Variants in CENPK observed in about 807,000 individuals in gnomAD.
CENPK encodes centromere protein K.
In CENPK, 46 loss-of-function variants were observed where a neutral mutation model predicts 40.9. That is an observed-to-expected ratio of 1.13 (90% CI 0.89 to 1.44). The LOEUF (loss-of-function observed/expected upper bound fraction) is 1.44. Among genes scored for constraint, CENPK ranks in the 40% most tolerant of loss-of-function variants. CENPK has a pLI of 0.00. For missense variants in CENPK, 288 were observed against 303.5 expected, an observed-to-expected ratio of 0.95 and a Z score of 0.38; for synonymous variants, 107 against 104.4, an observed-to-expected ratio of 1.02 and a Z score of -0.15.
At chr5:65,550,003 T>TA (rs1442910722) in intron 5 of CENPK, among the ~76,000 whole-genome samples, 2 of 151,530 alleles carry the variant, frequency 1.3e-5, no homozygotes, top group East Asian at 1.9e-4. Flanking sequence ...CTGTCTCTAA[T>TA]AAAAAAATAC....
At chr5:65,516,349 C>T (rs182011671), downstream of CENPK, among the ~76,000 whole-genome samples, 132 of 152,234 alleles carry the variant, frequency 8.7e-4, no homozygotes, top group Non-Finnish European at 1.0e-3. Flanking sequence ...TTGTTCTTGT[C>T]TTCCACTTTT....
intron 10 of CENPK, among the ~76,000 whole-genome samples, chr5:65,520,605 C>T (rs778481231): frequency 5.3e-5 from 8 of 151,980 alleles, no homozygotes; most frequent in African/African-American, 7.3e-5. Context: ...ATTCTAATTA[C>T]GAATCTAATA....
chr5:65,509,760 G>T, the CENPK span, among the ~76,000 whole-genome samples: 1 of 152,178 alleles, frequency 6.6e-6, no homozygotes, highest in Admixed American at 6.5e-5. Context: ...GTAACCCTGT[G>T]TTGAGCAAGT....
the CENPK span, among the ~76,000 whole-genome samples, chr5:65,509,229 T>C: frequency 6.6e-6 from 1 of 152,200 alleles, no homozygotes; most frequent in Non-Finnish European, 1.5e-5. Context: ...AACAATACGC[T>C]TGGTCTCACC....
At chr5:65,522,120 T>C (rs1015649688) in intron 9 of CENPK, among the ~76,000 whole-genome samples, 2 of 152,156 alleles carry the variant, frequency 1.3e-5, no homozygotes, top group South Asian at 2.1e-4. Context: ...ATACACATTA[T>C]ATATAATCAC....
chr5:65,510,808 T>C, the CENPK span, among the ~76,000 whole-genome samples: 4 of 151,434 alleles, frequency 2.6e-5, no homozygotes, highest in Non-Finnish European at 2.9e-5. Context: ...GAAAAATGGT[T>C]TACGCAATTC....
the CENPK span, among the ~76,000 whole-genome samples, chr5:65,509,606 T>C: frequency 2.0e-5 from 3 of 152,250 alleles, no homozygotes; most frequent in African/African-American, 7.2e-5. Flanking sequence ...AAAATTCATA[T>C]GCAGGATTTT....
At chr5:65,532,893 G>A (rs1487859168) in intron 6 of CENPK, among the ~76,000 whole-genome samples, 1 of 63,610 alleles carries the variant, frequency 1.6e-5, no homozygotes, top group East Asian at 5.4e-4. Flanking sequence ...TGGACAACAA[G>A]AGCGAAACTC....
the CENPK span, among the ~76,000 whole-genome samples, chr5:65,506,655 A>G: frequency 6.6e-6 from 1 of 152,010 alleles, no homozygotes; most frequent in East Asian, 1.9e-4. Flanking sequence ...CATGTTGATG[A>G]GTGTCTGTAA....
At chr5:65,514,228 A>ATATTTTTT (rs199873665), downstream of CENPK, among the ~76,000 whole-genome samples, 2 of 61,690 alleles carry the variant, frequency 3.2e-5, no homozygotes, top group Admixed American at 2.1e-4. Flanking sequence ...GCCTCACATA[A>ATATTTTTT]TCTTTTTTTT....
At chr5:65,515,077 T>C (rs1040678286), downstream of CENPK, among the ~76,000 whole-genome samples, 1 of 99,288 alleles carries the variant, frequency 1.0e-5, no homozygotes, top group Admixed American at 1.1e-4. Flanking sequence ...TTACTTTGGA[T>C]TTAATTTGCT....
chr5:65,516,921 T>A (rs566385246), downstream of CENPK, among the ~76,000 whole-genome samples: 1 of 152,180 alleles, frequency 6.6e-6, no homozygotes, highest in East Asian at 1.9e-4. Flanking sequence ...AGTCTATTGG[T>A]AGGCATTGCA....
intron 5 of CENPK, among the ~76,000 whole-genome samples, chr5:65,543,259 ATTTATT>A (rs1748300042): frequency 6.6e-6 from 1 of 152,148 alleles, no homozygotes; most frequent in Non-Finnish European, 1.5e-5. Context: ...TTTTCATTTT[ATTTATT>A]TTTAACATCT....
intron 9 of CENPK, among the ~76,000 whole-genome samples, chr5:65,526,552 G>C (rs1744743159): frequency 6.6e-6 from 1 of 152,132 alleles, no homozygotes; most frequent in South Asian, 2.1e-4. Flanking sequence ...AGATATGCAA[G>C]ATAGAAGAGA....
chr5:65,541,518 A>G (rs1452800133), intron 6 of CENPK: 1 of 447,520 alleles, frequency 2.2e-6, no homozygotes, highest in African/African-American at 2.0e-5. Flanking sequence ...GTGGTGACGG[A>G]GACTAGGAAA....
rs537872425 is a variant in CENPK, at chr5:65,540,828, G to A, written c.288+1974C>T. Among the ~76,000 whole-genome samples the A allele has an allele frequency of 1.7e-4, 23 of 134,276 alleles. No individual in the cohort carries two copies. In the South Asian group the frequency reaches 5.2e-3, roughly 30 times the overall value. 88.1% of individuals were successfully genotyped at this position (134,276 alleles called of 152,430 possible). A position where few individuals can be genotyped will look rare whatever the true frequency, so the allele number is the denominator to read the frequency against. ...GTATCCTTTTTTTTTTTTTTTTTGAGACAGGGTTTCACTCTGCTGCCCAGG... is the reference window on the plus strand; with the variant it reads ...GTATCCTTTTTTTTTTTTTTTTTGAAACAGGGTTTCACTCTGCTGCCCAGG... On this transcript the variant is annotated intron_variant, in intron 6 of 10. Transcript: ENST00000396679.
At chr5:65,549,738 A>G (rs1220757452) in intron 5 of CENPK, among the ~76,000 whole-genome samples, 1 of 152,174 alleles carries the variant, frequency 6.6e-6, no homozygotes, top group Non-Finnish European at 1.5e-5. Context: ...CAGCCTTTGT[A>G]GAATTGAAAA....
chr5:65,546,194 T>C (rs561284035), intron 5 of CENPK, among the ~76,000 whole-genome samples: 2 of 151,258 alleles, frequency 1.3e-5, no homozygotes, highest in South Asian at 4.2e-4. Flanking sequence ...TAGTTATATG[T>C]TCTAGTTCTA....
the CENPK span, among the ~76,000 whole-genome samples, chr5:65,496,253 C>CAAACAAAACAAAACA: frequency 4.4e-4 from 66 of 150,514 alleles, 1 homozygote; most frequent in East Asian, 9.2e-3. Context: ...GACCTTGTCT[C>CAAACAAAACAAAACA]AAACAAAACA....
Sources: gnomAD v4.1 joint callset for allele counts (sites outside exome capture counted in the v4.1 genomes callset) on GRCh38, gnomAD v4.1.1 for gene constraint, MANE v1.5 for transcripts, NCBI Gene and HGNC (gene_info 2026-07-23, HGNC 2026-07-21) for gene names.